The following CNBD1 variants were observed in gnomAD, a reference collection of about 807,000 sequenced individuals.
The protein encoded by CNBD1 is cyclic nucleotide-binding domain-containing protein 1.
A neutral mutation model predicts 54.4 loss-of-function variants in CNBD1; 71 were observed. The observed-to-expected ratio is 1.30, with a 90% confidence interval of 1.08 to 1.59. The LOEUF is 1.59. Among genes scored for constraint, CNBD1 ranks in the 40% most tolerant of loss-of-function variants. The probability of loss-of-function intolerance (pLI) is 0.00; values close to 1 mark genes in which losing one functional copy is unlikely to be tolerated. For synonymous variants in CNBD1, 182 were observed against 170.7 expected (o/e 1.07, Z -0.51); for missense variants, 659 against 518.0 (o/e 1.27, Z -2.64).
intron 4 of CNBD1, among the ~76,000 whole-genome samples, chr8:87,126,357 A>T (rs1811989164): frequency 1.3e-5 from 2 of 152,006 alleles, no homozygotes; most frequent in African/African-American, 4.8e-5. Flanking sequence ...TTCTTGTGAT[A>T]TCCCTTTGTG....
intron 8 of CNBD1, among the ~76,000 whole-genome samples, chr8:87,330,679 T>G (rs1262907187): frequency 1.3e-5 from 2 of 152,136 alleles, no homozygotes; most frequent in African/African-American, 2.4e-5. Context: ...CTTTCACATT[T>G]TTAAGGTTGG....
intron 4 of CNBD1, among the ~76,000 whole-genome samples, chr8:87,128,729 T>G (rs1812051832): frequency 6.6e-6 from 1 of 151,920 alleles, no homozygotes; most frequent in Non-Finnish European, 1.5e-5. Flanking sequence ...CCCCACCTGG[T>G]CACAGTATAT....
rs559828417 is a variant in CNBD1 at position 87,408,088 on chromosome 8, A to G, written c.214-20458A>G. Among the ~76,000 whole-genome samples the G allele has an allele frequency of 1.2e-4, 19 of 152,130 alleles. 1 individual carries two copies. In the South Asian group the frequency reaches 3.7e-3, roughly 30 times the overall value. ...TAACTTTCTGTATTATCTTCTAGAT[A>G]TTCTTCTTCGTTGATTATCTTTCCC... On this transcript the variant is annotated intron_variant, in intron 2 of 7. Transcript: ENST00000521593.
intron 8 of CNBD1, among the ~76,000 whole-genome samples, chr8:87,348,741 C>T (rs1463430176): frequency 6.6e-6 from 1 of 152,110 alleles, no homozygotes; most frequent in African/African-American, 2.4e-5. Context: ...CTTCACTATC[C>T]CAGTGCTGAT....
chr8:87,374,333 TAATAA>T (rs1421330573), intron 10 of CNBD1, among the ~76,000 whole-genome samples: 1 of 151,822 alleles, frequency 6.6e-6, no homozygotes, highest in Non-Finnish European at 1.5e-5. Flanking sequence ...AGGAAGCCTG[TAATAA>T]AATAAAATGT....
intron 4 of CNBD1, among the ~76,000 whole-genome samples, chr8:87,134,829 T>G (rs901090134): frequency 2.0e-5 from 3 of 151,734 alleles, no homozygotes; most frequent in African/African-American, 7.3e-5. Flanking sequence ...CAGGATGATC[T>G]CCATCTCCTG....
intron 8 of CNBD1, among the ~76,000 whole-genome samples, chr8:87,325,461 G>A (rs1450195362): frequency 1.1e-5 from 1 of 90,172 alleles, no homozygotes; most frequent in Non-Finnish European, 2.2e-5. Flanking sequence ...GGTCACTCAG[G>A]ACTTGCTTTA....
intron 6 of CNBD1, among the ~76,000 whole-genome samples, chr8:87,270,264 C>T (rs1808335146): frequency 6.6e-6 from 1 of 151,136 alleles, no homozygotes; most frequent in Non-Finnish European, 1.5e-5. Flanking sequence ...AACAAATTTA[C>T]AAGGAAAAAC....
chr8:86,921,367 G>A (rs1270323895), intron 3 of CNBD1, among the ~76,000 whole-genome samples: 1 of 151,774 alleles, frequency 6.6e-6, no homozygotes, highest in Non-Finnish European at 1.5e-5. Context: ...CAGCCCTATA[G>A]TTATTGTTTT....
In CNBD1 at chr8:86,931,729, C is replaced by T. The variant is rs975169044; in HGVS notation, c.273-7867C>T. 8.5e-5 allele frequency among the ~76,000 whole-genome samples: 13 copies of T among 152,066 alleles called. No individual in the cohort carries two copies. The East Asian group carries it at 1.2e-3, about 14-fold the overall frequency. On this transcript the variant is annotated intron_variant, in intron 3 of 10. Transcript: ENST00000518476. ...TTGTTCAGGGCCCAGGACTAGCTTT[C>T]GGAGGTTTCTCCTGGTACCTGTGGC...
intron 3 of CNBD1, among the ~76,000 whole-genome samples, chr8:86,926,452 T>C (rs992625829): frequency 2.7e-4 from 41 of 152,054 alleles, no homozygotes; most frequent in Non-Finnish European, 4.4e-5. Flanking sequence ...GGGAAACAAA[T>C]TTGACAAGGA....
At chr8:87,153,034 G>A (rs189573145) in intron 4 of CNBD1, among the ~76,000 whole-genome samples, 8 of 152,230 alleles carry the variant, frequency 5.3e-5, no homozygotes, top group Admixed American at 2.0e-4. Flanking sequence ...CATAGCCTTC[G>A]TTCTACAGAT....
intron 8 of CNBD1, among the ~76,000 whole-genome samples, chr8:87,312,734 T>A (rs1031137050): frequency 1.1e-4 from 16 of 151,968 alleles, no homozygotes; most frequent in Non-Finnish European, 2.1e-4. Flanking sequence ...AATCTAGCAC[T>A]TTAGAAGACT....
intron 10 of CNBD1, among the ~76,000 whole-genome samples, chr8:87,379,507 A>G (rs980426364): frequency 6.6e-6 from 1 of 152,054 alleles, no homozygotes; most frequent in Non-Finnish European, 1.5e-5. Context: ...CAAATGTAAA[A>G]GAACAGAATT....
chr8:87,247,059 A>G (rs947192623), intron 6 of CNBD1, among the ~76,000 whole-genome samples: 6 of 152,078 alleles, frequency 3.9e-5, no homozygotes, highest in Admixed American at 3.3e-4. Flanking sequence ...TCTGCTTCAC[A>G]AAGGTAGGAT....
intron 8 of CNBD1, among the ~76,000 whole-genome samples, chr8:87,293,269 A>T (rs1010549017): frequency 6.6e-6 from 1 of 152,144 alleles, no homozygotes; most frequent in African/African-American, 2.4e-5. Flanking sequence ...GTCAGGCCGG[A>T]CACAGTGGCT....
At chr8:87,212,423 A>T (rs2130802365) in intron 5 of CNBD1, among the ~76,000 whole-genome samples, 1 of 152,302 alleles carries the variant, frequency 6.6e-6, no homozygotes, top group South Asian at 2.1e-4. Context: ...AAAACAAATG[A>T]TAAAGTTGAA....
At chr8:86,981,438 C>A (rs972670074) in intron 4 of CNBD1, among the ~76,000 whole-genome samples, 29 of 152,256 alleles carry the variant, frequency 1.9e-4, no homozygotes, top group African/African-American at 7.0e-4. Context: ...AGATTCTGGT[C>A]TTTAACCTAA....
intron 4 of CNBD1, among the ~76,000 whole-genome samples, chr8:87,056,357 A>G (rs1396644250): frequency 9.9e-5 from 15 of 152,202 alleles, no homozygotes; most frequent in Admixed American, 2.0e-4. Context: ...GGGGCAACAC[A>G]CAACTGTACA....
Sources: gnomAD v4.1 joint callset for allele counts (sites outside exome capture counted in the v4.1 genomes callset) on GRCh38, gnomAD v4.1.1 for gene constraint, MANE v1.5 for transcripts, NCBI Gene and HGNC (gene_info 2026-07-23, HGNC 2026-07-21) for gene names.